The following PCDHGA3 variants were observed in gnomAD, a reference collection of about 807,000 sequenced individuals.
PCDHGA3 encodes protocadherin gamma-A3.
Under a neutral mutation model 58.5 loss-of-function variants are expected in PCDHGA3, and 40 were observed. The observed-to-expected ratio is 0.68, with a 90% CI of 0.53 to 0.89. The LOEUF (loss-of-function observed/expected upper bound fraction) is 0.89, where lower values mean the gene tolerates loss of function less well. Among genes scored for constraint, PCDHGA3 ranks in the 40% least tolerant of loss-of-function variants. PCDHGA3 has a pLI of 0.00. For synonymous variants in PCDHGA3, 530 were observed against 525.7 expected (o/e 1.01, Z -0.11); for missense variants, 1,223 against 1,195.9 (o/e 1.02, Z -0.33).
At chr5:141,390,096 C>G in intron 1 of PCDHGA3, 1 of 1,614,030 alleles carries the variant, frequency 6.2e-7, no homozygotes, top group Non-Finnish European at 8.5e-7. Context: ...ATCCGTGGTT[C>G]CCCCCAACTA....
chr5:141,433,090 C>T, intron 1 of PCDHGA3: 2 of 1,614,210 alleles, frequency 1.2e-6, no homozygotes, highest in Non-Finnish European at 1.7e-6. Flanking sequence ...ACTATGCAGA[C>T]ATGCTCGTCA....
At chr5:141,376,354 C>G in intron 1 of PCDHGA3, 1 of 1,614,208 alleles carries the variant, frequency 6.2e-7, no homozygotes, top group South Asian at 1.1e-5. Context: ...CCCACGAGGT[C>G]TCACTCACTG....
chr5:141,354,903 T>C (rs561929111), intron 1 of PCDHGA3: 1 of 399,854 alleles, frequency 2.5e-6, no homozygotes, highest in Non-Finnish European at 4.4e-6. Flanking sequence ...GAAATAGGAA[T>C]AGAAAAGTGT....
At chr5:141,413,299 G>T in intron 1 of PCDHGA3, 1 of 1,613,966 alleles carries the variant, frequency 6.2e-7, no homozygotes, top group Non-Finnish European at 8.5e-7. Flanking sequence ...AATTCCTGAG[G>T]AATTAGAGAA....
chr5:141,361,590 C>T, intron 1 of PCDHGA3: 1 of 1,614,036 alleles, frequency 6.2e-7, no homozygotes, highest in Non-Finnish European at 8.5e-7. Context: ...GCCCCAGTGG[C>T]CAAGTTTCCT....
At chr5:141,395,522 A>T in intron 1 of PCDHGA3, 1 of 398,214 alleles carries the variant, frequency 2.5e-6, no homozygotes. Flanking sequence ...ACCCGTCCAT[A>T]CTGGTAATTT....
At chr5:141,373,226 A>G (rs540520010) in intron 1 of PCDHGA3, among the ~76,000 whole-genome samples, 4 of 152,364 alleles carry the variant, frequency 2.6e-5, no homozygotes, top group Middle Eastern at 6.8e-3. Context: ...TAACCTGTAT[A>G]TAATATTTTT....
chr5:141,394,972 A>G (rs766374618), intron 1 of PCDHGA3: 1 of 1,613,902 alleles, frequency 6.2e-7, no homozygotes, highest in Non-Finnish European at 8.5e-7. Context: ...AGGCGCTGGC[A>G]CAAGTCACGC....
At chr5:141,457,550 A>G (rs1331411755) in intron 1 of PCDHGA3, among the ~76,000 whole-genome samples, 1 of 152,230 alleles carries the variant, frequency 6.6e-6, no homozygotes, top group Non-Finnish European at 1.5e-5. Flanking sequence ...CAAATGTATG[A>G]TAAGCTTTGG....
At chr5:141,351,488 C>T in intron 1 of PCDHGA3, 1 of 1,613,968 alleles carries the variant, frequency 6.2e-7, no homozygotes. Context: ...AAACCGGGAG[C>T]AGACAGCAGA....
chr5:141,482,000 G>A (rs1421859839), intron 1 of PCDHGA3, among the ~76,000 whole-genome samples: 8 of 150,854 alleles, frequency 5.3e-5, no homozygotes, highest in East Asian at 1.9e-4. Flanking sequence ...CAGGAGAATC[G>A]CTTTATCTCA....
Position 141,476,676 on chromosome 5 carries a change from G to T in PCDHGA3, c.2425-18131G>T. 1.2e-6 allele frequency: 2 copies of T among 1,614,222 alleles called. No individual in the cohort carries two copies. The highest frequency in any genetic ancestry group is 1.7e-6 in the Non-Finnish European group (2 of 1,180,054). ...TACTTTGCGCTTCGCGTGCAGACGC[G>T]GGAGGACAGCACCAAGTACGCGGAG... On this transcript the variant is annotated intron_variant, in intron 1 of 3. Transcript: ENST00000253812. The surrounding 1 kb of genome is among the most constrained non-coding windows in gnomAD (Gnocchi z 7.6).
chr5:141,344,220 G>A lies in PCDHGA3; in HGVS notation c.187G>A (p.Gly63Arg). 1 of 1,614,036 alleles carries A rather than the reference G, an allele frequency of 6.2e-7. No homozygotes were observed. Residue 63 changes from glycine (G) to arginine (R), a missense_variant, in exon 1 of 4, where the codon GGA (glycine) becomes AGA (arginine). Gly to Arg is a moderately radical substitution (Grantham distance 125). This residue lies in a region of PCDHGA3 where 791 missense variants were observed against 708.5 expected (regional missense o/e 1.12). Transcript: ENST00000253812. ...AGAGCCCCGGGAGCTGGCGGAGCGC[G>A]GAGTCCGCATCGTCTCCAGAGGTAG... Reference protein sequence around the residue: ...GLEPRELAERGVRIVSRGRTQ... With the variant: ...GLEPRELAERRVRIVSRGRTQ...
chr5:141,418,419 A>G (rs1181055959), intron 1 of PCDHGA3: 1 of 1,613,900 alleles, frequency 6.2e-7, no homozygotes, highest in Non-Finnish European at 8.5e-7. Flanking sequence ...GACAATCCTG[A>G]TGGTGGCAAA....
chr5:141,456,824 G>A (rs2098890304), intron 1 of PCDHGA3, among the ~76,000 whole-genome samples: 2 of 152,170 alleles, frequency 1.3e-5, no homozygotes, highest in South Asian at 2.1e-4. Context: ...ATTAGCCATC[G>A]TGGTAGTGGG....
chr5:141,453,111 G>A (rs1040339344), intron 1 of PCDHGA3, among the ~76,000 whole-genome samples: 5 of 151,718 alleles, frequency 3.3e-5, no homozygotes, highest in Non-Finnish European at 5.9e-5. Flanking sequence ...TTTTTGTTTT[G>A]TTTTGTTTTG....
intron 1 of PCDHGA3, among the ~76,000 whole-genome samples, chr5:141,381,126 A>G (rs772022914): frequency 2.6e-5 from 4 of 152,232 alleles, no homozygotes; most frequent in Non-Finnish European, 5.9e-5. Context: ...TGTATTCTGG[A>G]GCAATGCCAC....
rs1391043443 is a variant in PCDHGA3, at chr5:141,344,236, C to T, written c.203C>T (p.Ser68Phe). The change falls in exon 1 of 4, where the codon TCC becomes TTC. Residue 68 changes from serine (S) to phenylalanine (F), a missense_variant. Transcript: ENST00000253812. ...GCGGAGCGCGGAGTCCGCATCGTCTCCAGAGGTAGGACGCAGCTTTTCTCT... is the reference window on the plus strand; with the variant it reads ...GCGGAGCGCGGAGTCCGCATCGTCTTCAGAGGTAGGACGCAGCTTTTCTCT... ...ELAERGVRIVSRGRTQLFSLN... is the reference protein window; with the variant it reads ...ELAERGVRIVFRGRTQLFSLN... 1.2e-6 allele frequency: 2 copies of T among 1,613,924 alleles called. No homozygotes were observed. The highest frequency in any genetic ancestry group is 1.3e-5 in the African/African-American group (1 of 74,944).
intron 1 of PCDHGA3, chr5:141,350,161 A>G: frequency 9.0e-7 from 1 of 1,109,726 alleles, no homozygotes; most frequent in South Asian, 2.6e-5. Flanking sequence ...TCGAGCGCCT[A>G]ACTAATAAGT....
Sources: allele counts gnomAD v4.1 joint callset (sites outside exome capture counted in the v4.1 genomes callset), GRCh38; gene constraint gnomAD v4.1.1; regional missense constraint gnomAD v4.1.1; non-coding constraint Gnocchi (gnomAD v3.1); transcripts MANE v1.5; gene names NCBI Gene and HGNC (gene_info 2026-07-23, HGNC 2026-07-21).